SNX29: variants seen among roughly 807,000 people sequenced by gnomAD.
SNX29 encodes the protein sorting nexin 29.
SNX29 carries 78 observed loss-of-function variants against 102.1 expected under a neutral mutation model. The ratio of observed to expected loss-of-function variants is 0.76; its 90% CI spans 0.64 to 0.92. The LOEUF is 0.92. Ranked by LOEUF, SNX29 falls within the 40% of genes least tolerant of loss-of-function variation. The pLI, the probability that SNX29 is intolerant of heterozygous loss-of-function variation, is 0.00. For missense variants in SNX29, 1,280 were observed against 1,061.7 expected (o/e 1.21, Z -2.86); for synonymous variants, 580 against 414.5 (o/e 1.40, Z -4.85).
chr16:12,408,181 A>AAAAAAAAC (rs1567533282), intron 18 of SNX29, among the ~76,000 whole-genome samples: 2 of 148,752 alleles, frequency 1.3e-5, no homozygotes, highest in East Asian at 2.0e-4. Flanking sequence ...AACAAACAAA[A>AAAAAAAAC]AAAAAACTAG....
intron 20 of SNX29, among the ~76,000 whole-genome samples, chr16:12,538,225 T>A (rs567090833): frequency 6.6e-6 from 1 of 152,242 alleles, no homozygotes; most frequent in East Asian, 1.9e-4. Flanking sequence ...ATGCCATTCT[T>A]GTGCCTCAGT....
At chr16:12,492,347 C>T (rs1480089429) in intron 19 of SNX29, among the ~76,000 whole-genome samples, 3 of 152,278 alleles carry the variant, frequency 2.0e-5, no homozygotes, top group Non-Finnish European at 4.4e-5. Flanking sequence ...AGTGTCTGTT[C>T]ATATCCTTCG....
chr16:12,117,586 C>T (rs1725277263), intron 11 of SNX29, among the ~76,000 whole-genome samples: 1 of 152,282 alleles, frequency 6.6e-6, no homozygotes, highest in East Asian at 1.9e-4. Flanking sequence ...CATAGAGACG[C>T]AATGTGGATC....
chr16:12,049,646 T>A (rs1043060528), intron 7 of SNX29, among the ~76,000 whole-genome samples: 3 of 152,024 alleles, frequency 2.0e-5, no homozygotes, highest in Non-Finnish European at 2.9e-5. Context: ...TTTTAAAAAA[T>A]TTTAATTAAA....
At chr16:12,435,535 T>C (rs907983408) in intron 18 of SNX29, among the ~76,000 whole-genome samples, 1 of 152,170 alleles carries the variant, frequency 6.6e-6, no homozygotes, top group Admixed American at 6.5e-5. Context: ...TTTTTATGAA[T>C]CCTTCTAGAC....
chr16:12,019,306 C>A (rs1258035581), intron 3 of SNX29, among the ~76,000 whole-genome samples: 1 of 152,026 alleles, frequency 6.6e-6, no homozygotes. Context: ...CTCCCAGGTT[C>A]ACGCCATTCT....
rs1555544501 is a variant in SNX29 at position 12,461,978 on chromosome 16, A to AAAAT, written c.2038-15740_2038-15739insAATA. 4.5e-3 allele frequency among the ~76,000 whole-genome samples: 123 copies of AAAAT among 27,350 alleles called. 1 individual carries two copies. The highest frequency in any genetic ancestry group is 5.7e-3 in the Non-Finnish European group (91 of 15,916). 17.9% of individuals were successfully genotyped at this position (27,350 alleles called of 152,430 possible). On this transcript the variant is annotated intron_variant, in intron 18 of 20. Transcript: ENST00000566228. ...CTCAAAAAAAAAAAAAAAAAAAAAAAATATATATATATATATATATATATA... is the reference window on the plus strand; with the variant it reads ...CTCAAAAAAAAAAAAAAAAAAAAAAAAAATATATATATATATATATATATATATA...
intron 11 of SNX29, among the ~76,000 whole-genome samples, chr16:12,110,335 G>A (rs963311539): frequency 1.3e-5 from 2 of 152,094 alleles, no homozygotes; most frequent in Non-Finnish European, 2.9e-5. Flanking sequence ...CCAGCATGTC[G>A]TTCCCCACTT....
At chr16:12,007,068 TA>T (rs926804908) in intron 3 of SNX29, among the ~76,000 whole-genome samples, 17 of 149,668 alleles carry the variant, frequency 1.1e-4, no homozygotes, top group Admixed American at 2.0e-4. Flanking sequence ...AGGCTGAGTT[TA>T]AAAAAAAAAA....
chr16:12,520,822 G>C (rs372354569), intron 19 of SNX29, among the ~76,000 whole-genome samples: 78 of 152,226 alleles, frequency 5.1e-4, no homozygotes, highest in South Asian at 3.3e-3. Context: ...GGAGGGAGGT[G>C]AGGGATAAAT....
intron 14 of SNX29, among the ~76,000 whole-genome samples, chr16:12,247,773 G>C (rs2078302125): frequency 6.6e-6 from 1 of 152,172 alleles, no homozygotes; most frequent in Non-Finnish European, 1.5e-5. Flanking sequence ...TTCCTTACAT[G>C]GCATTCTCAG....
intron 19 of SNX29, among the ~76,000 whole-genome samples, chr16:12,507,695 T>C (rs2089438812): frequency 6.6e-6 from 1 of 152,200 alleles, no homozygotes; most frequent in African/African-American, 2.4e-5. Context: ...TTTTTTACTT[T>C]CCTTCTTATG....
At chr16:12,307,624 G>C (rs2080380390) in intron 15 of SNX29, among the ~76,000 whole-genome samples, 1 of 152,248 alleles carries the variant, frequency 6.6e-6, no homozygotes, top group African/African-American at 2.4e-5. Flanking sequence ...GTTGTCAGCA[G>C]TAGAATGTAG....
At chr16:12,011,656 A>T (rs960453999) in intron 3 of SNX29, among the ~76,000 whole-genome samples, 2 of 152,154 alleles carry the variant, frequency 1.3e-5, no homozygotes, top group Non-Finnish European at 1.5e-5. Flanking sequence ...TGCCTAGGCC[A>T]TAATAAACAT....
intron 13 of SNX29, among the ~76,000 whole-genome samples, chr16:12,182,126 A>G (rs1057499619): frequency 6.7e-6 from 1 of 148,444 alleles, no homozygotes; most frequent in Non-Finnish European, 1.5e-5. Context: ...ACCTCAGGTG[A>G]CCTACCTGTT....
At chr16:12,340,194 T>A (rs1361254688) in intron 15 of SNX29, among the ~76,000 whole-genome samples, 1 of 152,214 alleles carries the variant, frequency 6.6e-6, no homozygotes, top group Admixed American at 6.5e-5. Context: ...CTCCCCTTCT[T>A]CTCCTTCCCT....
intron 18 of SNX29, among the ~76,000 whole-genome samples, chr16:12,450,097 G>A (rs1356044054): frequency 1.3e-5 from 2 of 152,222 alleles, no homozygotes; most frequent in South Asian, 2.1e-4. Context: ...CTGCCACCAT[G>A]TAAGAGGTGG....
In SNX29 at chr16:12,096,108, G is replaced by T. The variant is rs2052755827; in HGVS notation, c.1402+17193G>T. Reference sequence around the variant, plus strand: ...TGGGGCAGTGGCCGTTAAATCGGCTGCAGTCTGAGCCCCCTGCCCCTTAAC... The same window carrying T: ...TGGGGCAGTGGCCGTTAAATCGGCTTCAGTCTGAGCCCCCTGCCCCTTAAC... On this transcript the variant is annotated intron_variant, in intron 11 of 20. Transcript: ENST00000566228. The surrounding 1 kb of genome is among the most constrained non-coding windows in gnomAD (Gnocchi z 4.2). Among the ~76,000 whole-genome samples, 1 of 152,226 alleles carries T rather than the reference G, an allele frequency of 6.6e-6. No individual in the cohort carries two copies. The highest frequency in any genetic ancestry group is 2.4e-5 in the African/African-American group (1 of 41,458).
chr16:12,088,648 A>G (rs1283697024), intron 11 of SNX29, among the ~76,000 whole-genome samples: 23 of 152,242 alleles, frequency 1.5e-4, no homozygotes, highest in Non-Finnish European at 1.5e-5. Flanking sequence ...CCCTTTTTCC[A>G]TTCAAACACA....
Sources: allele counts gnomAD v4.1 joint callset (sites outside exome capture counted in the v4.1 genomes callset), GRCh38; gene constraint gnomAD v4.1.1; non-coding constraint Gnocchi (gnomAD v3.1); transcripts MANE v1.5; gene names NCBI Gene and HGNC (gene_info 2026-07-23, HGNC 2026-07-21).